The following SHROOM3 variants were observed in gnomAD, a reference collection of about 807,000 sequenced individuals.
SHROOM3 encodes protein Shroom3.
SHROOM3 carries 47 observed loss-of-function variants against 138.6 expected under a neutral mutation model. The observed-to-expected ratio is 0.34, with a 90% CI of 0.27 to 0.43. The LOEUF is 0.43. Among genes scored for constraint, SHROOM3 ranks in the 20% least tolerant of loss-of-function variants. The pLI, the probability that SHROOM3 is intolerant of heterozygous loss-of-function variation, is 1.00. For missense variants in SHROOM3, 2,491 were observed against 2,596.5 expected (o/e 0.96, Z 0.88); for synonymous variants, 1,062 against 1,063.3 (o/e 1.00, Z 0.02).
intron 1 of SHROOM3, among the ~76,000 whole-genome samples, chr4:76,463,376 C>A (rs1055706224): frequency 2.0e-5 from 3 of 152,184 alleles, no homozygotes; most frequent in Non-Finnish European, 4.4e-5. Flanking sequence ...CTGCTTCTAA[C>A]AGCTTAGGCT....
At chr4:76,677,555 A>C (rs751387663) in intron 2 of SHROOM3, among the ~76,000 whole-genome samples, 7 of 152,214 alleles carry the variant, frequency 4.6e-5, no homozygotes, top group Non-Finnish European at 8.8e-5. Context: ...TGCTTCTCTT[A>C]CCAATAGACA....
intron 1 of SHROOM3, among the ~76,000 whole-genome samples, chr4:76,516,324 C>T (rs2110007868): frequency 6.6e-6 from 1 of 152,294 alleles, no homozygotes; most frequent in South Asian, 2.1e-4. Flanking sequence ...TATTATCCAT[C>T]CTTCCAACTA....
At chr4:76,526,448 CT>C (rs1732690595) in intron 1 of SHROOM3, among the ~76,000 whole-genome samples, 2 of 152,164 alleles carry the variant, frequency 1.3e-5, no homozygotes, top group Non-Finnish European at 2.9e-5. Context: ...AATTTGTCTC[CT>C]AACCCAAAAG....
chr4:76,611,007 G>A (rs1734749489), intron 2 of SHROOM3, among the ~76,000 whole-genome samples: 1 of 152,172 alleles, frequency 6.6e-6, no homozygotes, highest in Non-Finnish European at 1.5e-5. Context: ...GGATGGGGGA[G>A]GGGCTTGCTT....
chr4:76,650,084 A>G (rs1735919422), intron 2 of SHROOM3, among the ~76,000 whole-genome samples: 1 of 152,126 alleles, frequency 6.6e-6, no homozygotes, highest in African/African-American at 2.4e-5. Flanking sequence ...TGAGCTCTCC[A>G]ATGTCTCTAC....
chr4:76,589,344 G>C (rs1734214905), intron 2 of SHROOM3, among the ~76,000 whole-genome samples: 3 of 152,120 alleles, frequency 2.0e-5, no homozygotes. Context: ...GCGCATGCCT[G>C]TAATCCCAGC....
intron 2 of SHROOM3, among the ~76,000 whole-genome samples, chr4:76,658,283 C>T (rs962985519): frequency 2.6e-5 from 4 of 152,118 alleles, no homozygotes; most frequent in African/African-American, 4.8e-5. Flanking sequence ...TACAGAAATT[C>T]CTGCTTCATT....
At chr4:76,481,247 A>G (rs1167922601) in intron 1 of SHROOM3, among the ~76,000 whole-genome samples, 1 of 152,198 alleles carries the variant, frequency 6.6e-6, no homozygotes, top group Non-Finnish European at 1.5e-5. Context: ...CTAATAAAGA[A>G]GAAAAGAGGG....
chr4:76,513,203 T>G (rs1036858801), intron 1 of SHROOM3, among the ~76,000 whole-genome samples: 3 of 152,192 alleles, frequency 2.0e-5, no homozygotes, highest in African/African-American at 7.2e-5. Flanking sequence ...AGGTTTTACA[T>G]GTATGCTTTC....
chr4:76,770,507 G>T, intron 9 of SHROOM3, 119 bp from the exon 10 acceptor site: 1 of 1,214,214 alleles, frequency 8.2e-7, no homozygotes, highest in Non-Finnish European at 1.2e-6. Context: ...TCCATATAGA[G>T]AAGGGGGAGG....
intron 1 of SHROOM3, among the ~76,000 whole-genome samples, chr4:76,441,414 A>AT (rs1730680335): frequency 6.6e-6 from 1 of 152,024 alleles, no homozygotes; most frequent in African/African-American, 2.4e-5. Flanking sequence ...TTTGAAATGG[A>AT]TTTTTAGGCA....
intron 2 of SHROOM3, among the ~76,000 whole-genome samples, chr4:76,640,377 T>C (rs1162013071): frequency 6.6e-6 from 1 of 152,220 alleles, no homozygotes; most frequent in Non-Finnish European, 1.5e-5. Flanking sequence ...GAAGTGCTTC[T>C]TTAAGCCAGG....
chr4:76,778,748 G>A, intron 10 of SHROOM3, 61 bp from the exon 11 acceptor site: 1 of 1,609,738 alleles, frequency 6.2e-7, no homozygotes, highest in Non-Finnish European at 8.5e-7. Flanking sequence ...TCCTTGCAGG[G>A]AGTCTGGCTC....
chr4:76,739,661 C>T lies in SHROOM3; in HGVS notation c.1488C>T (p.Ala496=), dbSNP rs1319511186. 1.2e-6 allele frequency: 2 copies of T among 1,613,986 alleles called. No homozygotes were observed. Among genetic ancestry groups the T allele is most frequent in the African/African-American group, 1.3e-5 (1 of 74,900 alleles). ...ACGGTATGCTCTACCCTGCACTGGC[C>T]AAGGAGAGTGGATACATAGCCCCTC... ...SSNGMLYPAL[A]KESGYIAPQG... The change falls in exon 5 of 11, where the codon GCC becomes GCT. Residue 496 remains alanine (A), a synonymous_variant. Coordinates refer to ENST00000296043, the MANE Select transcript of SHROOM3 (RefSeq NM_020859.4).
intron 1 of SHROOM3, among the ~76,000 whole-genome samples, chr4:76,536,982 A>C (rs563135633): frequency 6.6e-6 from 1 of 152,234 alleles, no homozygotes; most frequent in African/African-American, 2.4e-5. Flanking sequence ...GTGTGGTGGC[A>C]GGAGCCTGTA....
intron 2 of SHROOM3, among the ~76,000 whole-genome samples, chr4:76,653,276 T>C (rs1735999280): frequency 6.6e-6 from 1 of 152,064 alleles, no homozygotes; most frequent in African/African-American, 2.4e-5. Context: ...CTTGGTGCTG[T>C]TACTGTTTGG....
chr4:76,748,925 T>C (rs1721536717), intron 5 of SHROOM3, 92 bp from the exon 6 acceptor site: 1 of 1,171,448 alleles, frequency 8.5e-7, no homozygotes, highest in African/African-American at 1.6e-5. Flanking sequence ...TGCCAGTAAA[T>C]AGGTGTTCCT....
chr4:76,469,579 C>T lies in SHROOM3; in HGVS notation c.168+33359C>T, dbSNP rs531100853. The stretch of plus-strand genomic sequence containing the variant: ...TCAAGCAATTCTCCTGCCTCAGCCT[C>T]CTGAGTAGCTGGGACGTCAGGTGCA... On this transcript the variant is annotated intron_variant, in intron 1 of 10. Transcript: ENST00000296043. Among the ~76,000 whole-genome samples, 6 of 152,272 alleles carry T rather than the reference C, an allele frequency of 3.9e-5. No individual in the cohort carries two copies. In the East Asian group the frequency reaches 1.2e-3, roughly 29 times the overall value.
At chr4:76,747,953 A>G (rs1721496806) in intron 5 of SHROOM3, among the ~76,000 whole-genome samples, 1 of 152,174 alleles carries the variant, frequency 6.6e-6, no homozygotes, top group Admixed American at 6.5e-5. Flanking sequence ...CTGAGCTGCA[A>G]TTACATACCC....
Sources: allele counts gnomAD v4.1 joint callset (sites outside exome capture counted in the v4.1 genomes callset), GRCh38; gene constraint gnomAD v4.1.1; transcripts MANE v1.5; gene names NCBI Gene and HGNC (gene_info 2026-07-23, HGNC 2026-07-21).